Variants in KCND3 observed in about 807,000 individuals in gnomAD.
KCND3 encodes potassium voltage-gated channel subfamily D member 3.
In KCND3, 9 loss-of-function variants were observed where a neutral mutation model predicts 51.1. The observed-to-expected ratio is 0.18, with a 90% CI of 0.11 to 0.31. The LOEUF (loss-of-function observed/expected upper bound fraction) is 0.31. KCND3 is among the 10% of genes least tolerant of loss of function. The pLI, the probability that KCND3 is intolerant of heterozygous loss-of-function variation, is 1.00. For synonymous variants in KCND3, 349 were observed against 368.0 expected, an observed-to-expected ratio of 0.95 and a Z score of 0.59; for missense variants, 526 against 903.8, an observed-to-expected ratio of 0.58 and a Z score of 5.36.
chr1:111,835,856 C>A (rs1388355794), intron 2 of KCND3, among the ~76,000 whole-genome samples: 1 of 152,172 alleles, frequency 6.6e-6, no homozygotes. Context: ...TTCTTTTATT[C>A]CTTTACTTTC....
At chr1:111,913,117 A>G (rs1671041451) in intron 2 of KCND3, among the ~76,000 whole-genome samples, 1 of 140,808 alleles carries the variant, frequency 7.1e-6, no homozygotes, top group African/African-American at 2.5e-5. Flanking sequence ...TTTTATTTTT[A>G]TACTGTATTT....
chr1:111,835,040 T>G (rs1667008585), intron 2 of KCND3, among the ~76,000 whole-genome samples: 1 of 152,206 alleles, frequency 6.6e-6, no homozygotes, highest in African/African-American at 2.4e-5. Context: ...CTCTAAGAGT[T>G]AAGCTGAGAG....
At chr1:111,968,343 A>G (rs944993732) in intron 2 of KCND3, among the ~76,000 whole-genome samples, 7 of 152,142 alleles carry the variant, frequency 4.6e-5, no homozygotes, top group Non-Finnish European at 1.0e-4. Flanking sequence ...CAGAAGAGAA[A>G]TGGGCCACAG....
intron 2 of KCND3, among the ~76,000 whole-genome samples, chr1:111,935,919 A>C (rs1056620000): frequency 2.0e-5 from 3 of 152,204 alleles, no homozygotes; most frequent in Non-Finnish European, 4.4e-5. Context: ...CATGCCCCCT[A>C]TGTAATCATC....
At chr1:111,946,550 G>T (rs1188277403) in intron 2 of KCND3, among the ~76,000 whole-genome samples, 1 of 152,186 alleles carries the variant, frequency 6.6e-6, no homozygotes, top group East Asian at 1.9e-4. Context: ...CCCAGGGCCT[G>T]CCAGGATCAC....
chr1:111,978,476 G>GA (rs1278103796), intron 2 of KCND3, among the ~76,000 whole-genome samples: 3 of 152,038 alleles, frequency 2.0e-5, no homozygotes, highest in Non-Finnish European at 2.9e-5. Flanking sequence ...CAGTGTAAAG[G>GA]AAAAAATGGG....
chr1:111,863,632 A>T (rs1432898450), intron 2 of KCND3, among the ~76,000 whole-genome samples: 2 of 152,234 alleles, frequency 1.3e-5, no homozygotes, highest in Non-Finnish European at 2.9e-5. Context: ...ATGAAGTAGG[A>T]GAGGCAGAGG....
intron 2 of KCND3, among the ~76,000 whole-genome samples, chr1:111,964,239 G>A (rs1301411740): frequency 6.6e-6 from 1 of 152,184 alleles, no homozygotes; most frequent in East Asian, 1.9e-4. Context: ...CACTGCTCTG[G>A]TCAAAGCAGA....
At chr1:111,790,220 C>T (rs888365911) in intron 2 of KCND3, among the ~76,000 whole-genome samples, 1 of 152,176 alleles carries the variant, frequency 6.6e-6, no homozygotes, top group Non-Finnish European at 1.5e-5. Context: ...AGTTAAGTGA[C>T]CCTGGGGCAT....
intron 2 of KCND3, among the ~76,000 whole-genome samples, chr1:111,802,237 C>T (rs1425835036): frequency 1.3e-5 from 2 of 152,362 alleles, no homozygotes; most frequent in South Asian, 2.1e-4. Flanking sequence ...GTGAGTGCCA[C>T]TTCTGCCATT....
intron 2 of KCND3, among the ~76,000 whole-genome samples, chr1:111,904,990 C>G (rs525439): frequency 0.84 from 127,565 of 152,156 alleles, 53,526 homozygotes; most frequent in East Asian, 0.96. Context: ...GGGGAGACAG[C>G]CTGTGTTATT....
intron 2 of KCND3, among the ~76,000 whole-genome samples, chr1:111,800,572 A>G (rs1665262055): frequency 6.6e-6 from 1 of 150,802 alleles, no homozygotes; most frequent in South Asian, 2.1e-4. Flanking sequence ...AAAAAAAAAG[A>G]AAATTGGGAT....
rs149073101 is a variant in KCND3, at chr1:111,890,178, A to G, written c.1106+91443T>C. 3.1e-3 allele frequency among the ~76,000 whole-genome samples: 479 copies of G among 152,296 alleles called. 2 individuals carry two copies. The highest frequency in any genetic ancestry group is 5.4e-3 in the Non-Finnish European group (365 of 68,022). Reference sequence around the variant, plus strand: ...CTCTGCCTTAAGTTTGCAAAGGGTCATGTTGGCAGTTGGGATGAGTAGATA... The same window carrying G: ...CTCTGCCTTAAGTTTGCAAAGGGTCGTGTTGGCAGTTGGGATGAGTAGATA... On this transcript the variant is annotated intron_variant, in intron 2 of 7. Transcript: ENST00000302127.
At position 111,837,770 on chromosome 1, in the gene KCND3, C is replaced by T. The variant is rs1375215710; in HGVS notation, c.1107-50664G>A. 2.7e-5 allele frequency among the ~76,000 whole-genome samples: 4 copies of T among 150,306 alleles called. 1 individual carries two copies. The East Asian group carries it at 7.7e-4, about 29-fold the overall frequency. ...CCATAAGCTGTGTCTAATTTAGATG[C>T]CCCCCCTCGAAAAACACTAACATAC... On this transcript the variant is annotated intron_variant, in intron 2 of 7. Transcript: ENST00000302127.
chr1:111,776,423 T>A, intron 7 of KCND3, 145 bp from the exon 8 acceptor site: 1 of 803,360 alleles, frequency 1.2e-6, no homozygotes, highest in Non-Finnish European at 2.1e-6. Context: ...AACTTGTAAT[T>A]ATCCATTCTA....
At chr1:111,922,723 T>C (rs1389296812) in intron 2 of KCND3, among the ~76,000 whole-genome samples, 1 of 152,248 alleles carries the variant, frequency 6.6e-6, no homozygotes, top group African/African-American at 2.4e-5. Flanking sequence ...ACTTTGGCTA[T>C]GCAGTGAGAT....
At chr1:111,817,854 A>C (rs1197411220) in intron 2 of KCND3, among the ~76,000 whole-genome samples, 2 of 152,242 alleles carry the variant, frequency 1.3e-5, no homozygotes, top group African/African-American at 4.8e-5. Context: ...CACTGTGCAC[A>C]TGTGATTGGA....
chr1:111,857,297 A>G (rs1668120538), intron 2 of KCND3, among the ~76,000 whole-genome samples: 1 of 152,170 alleles, frequency 6.6e-6, no homozygotes. Flanking sequence ...GTGGGGTCAC[A>G]GCGCGTGCTG....
chr1:111,905,173 C>T (rs1298261767), intron 2 of KCND3, among the ~76,000 whole-genome samples: 1 of 152,162 alleles, frequency 6.6e-6, no homozygotes, highest in Non-Finnish European at 1.5e-5. Flanking sequence ...AGGCACACTC[C>T]AGAGCAGGCC....
Sources: gnomAD v4.1 joint callset for allele counts (sites outside exome capture counted in the v4.1 genomes callset) on GRCh38, gnomAD v4.1.1 for gene constraint, MANE v1.5 for transcripts, NCBI Gene and HGNC (gene_info 2026-07-23, HGNC 2026-07-21) for gene names.